The following KCNB2 variants were observed in gnomAD, a reference collection of about 807,000 sequenced individuals.
The protein encoded by KCNB2 is potassium voltage-gated channel subfamily B member 2.
A neutral mutation model predicts 61.5 loss-of-function variants in KCNB2; 15 were observed. The observed-to-expected ratio is 0.24, with a 90% CI of 0.16 to 0.38. The LOEUF (loss-of-function observed/expected upper bound fraction) is 0.38. Among genes scored for constraint, KCNB2 ranks in the 10% least tolerant of loss-of-function variants. The pLI, the probability that KCNB2 is intolerant of heterozygous loss-of-function variation, is 1.00. For synonymous variants in KCNB2, 457 were observed against 446.0 expected (o/e 1.02, Z -0.31); for missense variants, 828 against 1,125.2 (o/e 0.74, Z 3.78).
chr8:72,635,337 A>G (rs1311721147), intron 2 of KCNB2, among the ~76,000 whole-genome samples: 1 of 152,182 alleles, frequency 6.6e-6, no homozygotes, highest in African/African-American at 2.4e-5. Flanking sequence ...TACTAAAGCA[A>G]TGTAATTCAA....
intron 2 of KCNB2, among the ~76,000 whole-genome samples, chr8:72,624,448 G>A (rs527935422): frequency 6.6e-6 from 1 of 152,152 alleles, no homozygotes; most frequent in Admixed American, 6.5e-5. Flanking sequence ...TGGTTCTGTG[G>A]TACATTGTGA....
intron 2 of KCNB2, among the ~76,000 whole-genome samples, chr8:72,704,982 C>CT (rs1185370083): frequency 2.0e-5 from 3 of 151,452 alleles, no homozygotes; most frequent in Middle Eastern, 3.4e-3. Flanking sequence ...TTTTTCCTTG[C>CT]TTTTTTCCCA....
At chr8:72,693,520 G>A (rs1387216407) in intron 2 of KCNB2, among the ~76,000 whole-genome samples, 1 of 152,150 alleles carries the variant, frequency 6.6e-6, no homozygotes. Flanking sequence ...GCTGGGGAGA[G>A]GGCAAGCTCT....
intron 2 of KCNB2, among the ~76,000 whole-genome samples, chr8:72,919,715 T>A (rs751743271): frequency 6.6e-6 from 1 of 152,132 alleles, no homozygotes; most frequent in Non-Finnish European, 1.5e-5. Context: ...AACTTCTACA[T>A]AGGAAGTAAG....
rs142603407 is a variant in KCNB2 at position 72,708,407 on chromosome 8, G to T, written c.579+140094G>T. ...TGAATCTGCAATTTTGTTCTAATTTGCTGAGATCATCCAAAATGACTTATC... is the reference window on the plus strand; with the variant it reads ...TGAATCTGCAATTTTGTTCTAATTTTCTGAGATCATCCAAAATGACTTATC... On this transcript the variant is annotated intron_variant, in intron 2 of 2. Transcript: ENST00000523207. 3.6e-3 allele frequency among the ~76,000 whole-genome samples: 544 copies of T among 152,272 alleles called. 3 individuals are homozygous for T. Among genetic ancestry groups the T allele is most frequent in the African/African-American group, 0.01 (432 of 41,558 alleles).
At chr8:72,680,999 C>G (rs2128989069) in intron 2 of KCNB2, among the ~76,000 whole-genome samples, 1 of 152,282 alleles carries the variant, frequency 6.6e-6, no homozygotes, top group African/African-American at 2.4e-5. Flanking sequence ...TAGCCTCAGA[C>G]TGGGAGCCAA....
At chr8:72,552,174 T>TAG (rs1806356097) in intron 1 of KCNB2, among the ~76,000 whole-genome samples, 1 of 152,176 alleles carries the variant, frequency 6.6e-6, no homozygotes, top group African/African-American at 2.4e-5. Flanking sequence ...GGAGTAGAGG[T>TAG]AGAAGGTGGT....
chr8:72,573,843 C>T (rs991157667), intron 2 of KCNB2, among the ~76,000 whole-genome samples: 1 of 152,356 alleles, frequency 6.6e-6, no homozygotes. Flanking sequence ...TTCTTATCTG[C>T]AGTGGGCTAA....
At chr8:72,628,442 TGTGA>T (rs67578525) in intron 2 of KCNB2, among the ~76,000 whole-genome samples, 47,708 of 102,106 alleles carry the variant, frequency 0.47, 9,175 homozygotes, top group Non-Finnish European at 0.54. Context: ...TGTGTGTGTG[TGTGA>T]GATGCACTTA....
chr8:72,714,914 C>G (rs999909754), intron 2 of KCNB2, among the ~76,000 whole-genome samples: 1 of 152,058 alleles, frequency 6.6e-6, no homozygotes. Flanking sequence ...TTCAGGAAAC[C>G]CATCTCACGT....
At chr8:72,864,066 G>GA (rs1052705216) in intron 2 of KCNB2, among the ~76,000 whole-genome samples, 1 of 152,134 alleles carries the variant, frequency 6.6e-6, no homozygotes, top group Non-Finnish European at 1.5e-5. Flanking sequence ...ACAGAGGAGG[G>GA]AAAAACCACT....
chr8:72,867,330 G>A (rs1296754371), intron 2 of KCNB2, among the ~76,000 whole-genome samples: 3 of 152,182 alleles, frequency 2.0e-5, no homozygotes, highest in Admixed American at 2.0e-4. Context: ...TGTACAATAA[G>A]TACCGTGTTG....
chr8:72,747,604 A>G (rs1368632598), intron 2 of KCNB2, among the ~76,000 whole-genome samples: 6 of 152,216 alleles, frequency 3.9e-5, no homozygotes, highest in Non-Finnish European at 7.3e-5. Flanking sequence ...AGGCAAGTCC[A>G]TAGAGTAAAG....
chr8:72,631,874 G>T (rs914690937), intron 2 of KCNB2, among the ~76,000 whole-genome samples: 5 of 152,014 alleles, frequency 3.3e-5, no homozygotes, highest in Non-Finnish European at 7.4e-5. Context: ...TTAAGACAGG[G>T]CTCAGTCAAC....
At position 72,674,668 on chromosome 8, in the gene KCNB2, G is replaced by T. The variant is rs535369139; in HGVS notation, c.579+106355G>T. ...ATAGATACATGCCATTTGCTTTGTA[G>T]CCCTAGTATTTGGCATATTTTAAGT... On this transcript the variant is annotated intron_variant, in intron 2 of 2. Coordinates refer to ENST00000523207, the MANE Select transcript of KCNB2 (RefSeq NM_004770.3). 4.6e-5 allele frequency among the ~76,000 whole-genome samples: 7 copies of T among 152,256 alleles called. No homozygotes were observed. The South Asian group carries it at 6.2e-4, about 14-fold the overall frequency.
At chr8:72,551,234 T>C (rs750888989) in intron 1 of KCNB2, among the ~76,000 whole-genome samples, 3 of 152,216 alleles carry the variant, frequency 2.0e-5, no homozygotes, top group Non-Finnish European at 4.4e-5. Context: ...GTTGTTTGTT[T>C]ATTTTTTACA....
intron 2 of KCNB2, among the ~76,000 whole-genome samples, chr8:72,723,916 A>G (rs1271965891): frequency 6.6e-6 from 1 of 152,188 alleles, no homozygotes; most frequent in African/African-American, 2.4e-5. Flanking sequence ...AGTACTCTCT[A>G]TGTGTGCATT....
At chr8:72,815,838 T>G (rs977898335) in intron 2 of KCNB2, among the ~76,000 whole-genome samples, 2 of 152,110 alleles carry the variant, frequency 1.3e-5, no homozygotes, top group African/African-American at 4.8e-5. Flanking sequence ...CCTAGAACTC[T>G]GAGAGCAAAC....
chr8:72,835,590 G>A (rs1002945042), intron 2 of KCNB2, among the ~76,000 whole-genome samples: 3 of 152,156 alleles, frequency 2.0e-5, no homozygotes, highest in Non-Finnish European at 2.9e-5. Flanking sequence ...TTATTCTGAA[G>A]TTTTGTGTGC....
Sources: allele counts gnomAD v4.1 joint callset (sites outside exome capture counted in the v4.1 genomes callset), GRCh38; gene constraint gnomAD v4.1.1; transcripts MANE v1.5; gene names NCBI Gene and HGNC (gene_info 2026-07-23, HGNC 2026-07-21).